PCSK2: variants seen among roughly 807,000 people sequenced by gnomAD.
PCSK2 encodes proprotein convertase subtilisin/kexin type 2.
A neutral mutation model predicts 69.7 loss-of-function variants in PCSK2; 14 were observed. That is an observed-to-expected ratio of 0.20 (90% CI 0.13 to 0.31). The LOEUF is 0.31. Among genes scored for constraint, PCSK2 ranks in the 10% least tolerant of loss-of-function variants. The pLI is 1.00. For synonymous variants in PCSK2, 307 were observed against 320.7 expected (o/e 0.96, Z 0.46); for missense variants, 544 against 842.5 (o/e 0.65, Z 4.39).
chr20:17,269,609 T>C (rs1350638107), intron 2 of PCSK2, among the ~76,000 whole-genome samples: 1 of 152,132 alleles, frequency 6.6e-6, no homozygotes, highest in African/African-American at 2.4e-5. Flanking sequence ...TACTGATGTG[T>C]TTGGGCTGGG....
At chr20:17,442,070 G>A (rs1263242577) in intron 8 of PCSK2, among the ~76,000 whole-genome samples, 3 of 150,974 alleles carry the variant, frequency 2.0e-5, no homozygotes, top group Non-Finnish European at 3.0e-5. Flanking sequence ...CATACAGGGA[G>A]AACAGCATGT....
intron 5 of PCSK2, among the ~76,000 whole-genome samples, chr20:17,402,975 A>G (rs1159821227): frequency 6.6e-6 from 1 of 152,178 alleles, no homozygotes; most frequent in East Asian, 1.9e-4. Flanking sequence ...AAAGAAAAGA[A>G]AAGAAGAAAA....
At chr20:17,445,150 T>C (rs768782959) in intron 8 of PCSK2, among the ~76,000 whole-genome samples, 1 of 152,190 alleles carries the variant, frequency 6.6e-6, no homozygotes, top group Non-Finnish European at 1.5e-5. Context: ...GAAAAGGATG[T>C]AGCCCTTGCA....
chr20:17,229,108 G>A (rs1434267473), intron 1 of PCSK2, among the ~76,000 whole-genome samples: 1 of 151,876 alleles, frequency 6.6e-6, no homozygotes, highest in Non-Finnish European at 1.5e-5. Flanking sequence ...TTAGTTATAC[G>A]GAAGCTTACG....
At chr20:17,394,680 C>G (rs774323450) in intron 5 of PCSK2, among the ~76,000 whole-genome samples, 1 of 152,152 alleles carries the variant, frequency 6.6e-6, no homozygotes, top group Non-Finnish European at 1.5e-5. Context: ...TCCCAAGAAA[C>G]CAGTGTCCCA....
At chr20:17,344,080 T>C (rs967328569) in intron 2 of PCSK2, among the ~76,000 whole-genome samples, 1 of 152,262 alleles carries the variant, frequency 6.6e-6, no homozygotes, top group Non-Finnish European at 1.5e-5. Flanking sequence ...TTGTTCTGTA[T>C]CTTCCAGGAG....
chr20:17,424,479 C>T (rs2032201626), intron 6 of PCSK2, among the ~76,000 whole-genome samples: 1 of 152,064 alleles, frequency 6.6e-6, no homozygotes, highest in African/African-American at 2.4e-5. Flanking sequence ...TATGTTGTTT[C>T]TTGGCGCGGA....
intron 1 of PCSK2, among the ~76,000 whole-genome samples, chr20:17,233,582 A>C (rs1240836424): frequency 4.6e-5 from 7 of 152,182 alleles, no homozygotes; most frequent in Non-Finnish European, 8.8e-5. Context: ...TCCTCAGGAA[A>C]TCTGACTGGC....
intron 2 of PCSK2, among the ~76,000 whole-genome samples, chr20:17,288,292 G>C (rs1600452747): frequency 6.6e-6 from 1 of 152,166 alleles, no homozygotes; most frequent in African/African-American, 2.4e-5. Flanking sequence ...AGAAATCCAG[G>C]ACAGCATTTC....
At chr20:17,270,824 T>C (rs1483310905) in intron 2 of PCSK2, among the ~76,000 whole-genome samples, 1 of 151,882 alleles carries the variant, frequency 6.6e-6, no homozygotes, top group Non-Finnish European at 1.5e-5. Flanking sequence ...CATGATAGAG[T>C]CCAATTTGAG....
intron 2 of PCSK2, among the ~76,000 whole-genome samples, chr20:17,287,431 C>CTGTCTGTGTGTGTGTG (rs373403452): frequency 2.7e-5 from 4 of 145,928 alleles, no homozygotes; most frequent in African/African-American, 1.0e-4. Context: ...ATGTGCGTGT[C>CTGTCTGTGTGTGTGTG]TGTGTGTGTG....
At chr20:17,399,257 A>G (rs2031583734) in intron 5 of PCSK2, among the ~76,000 whole-genome samples, 1 of 152,230 alleles carries the variant, frequency 6.6e-6, no homozygotes, top group Admixed American at 6.5e-5. Context: ...CTTTGTTAAT[A>G]ACTGGAGGAG....
chr20:17,450,307 C>G (rs1367702318), intron 8 of PCSK2, among the ~76,000 whole-genome samples: 1 of 152,096 alleles, frequency 6.6e-6, no homozygotes, highest in African/African-American at 2.4e-5. Context: ...GGATTACAGG[C>G]ATGAGACACC....
intron 6 of PCSK2, among the ~76,000 whole-genome samples, chr20:17,418,989 C>T (rs2032063759): frequency 6.6e-6 from 1 of 152,232 alleles, no homozygotes; most frequent in African/African-American, 2.4e-5. Context: ...GCACGAGATT[C>T]TCACTGCTGT....
chr20:17,470,176 G>T (rs1204206449), intron 11 of PCSK2, among the ~76,000 whole-genome samples: 3 of 152,220 alleles, frequency 2.0e-5, no homozygotes. Flanking sequence ...AATTTCTTGA[G>T]AAATTTGGAA....
chr20:17,262,671 C>T (rs1429579045), intron 2 of PCSK2, among the ~76,000 whole-genome samples: 10 of 152,104 alleles, frequency 6.6e-5, no homozygotes, highest in Admixed American at 6.5e-4. Context: ...GGGTTTATAG[C>T]TGTTAAACAA....
At chr20:17,448,189 C>T (rs941676050) in intron 8 of PCSK2, among the ~76,000 whole-genome samples, 20 of 152,144 alleles carry the variant, frequency 1.3e-4, no homozygotes, top group African/African-American at 4.8e-4. Flanking sequence ...CTTGCCTCAC[C>T]AGGGGTCTGC....
chr20:17,289,140 A>G lies in PCSK2; in HGVS notation c.282+28796A>G, dbSNP rs753912633. 2.6e-4 allele frequency among the ~76,000 whole-genome samples: 39 copies of G among 152,330 alleles called. No individual in the cohort carries two copies. The Middle Eastern group carries it at 0.01, about 40-fold the overall frequency. ...GTGATCAAATATCTTATCATTTTGG[A>G]TATAAATCAATGCAGTGATATTACC... On this transcript the variant is annotated intron_variant, in intron 2 of 11. Coordinates refer to ENST00000262545, the MANE Select transcript of PCSK2 (RefSeq NM_002594.5).
chr20:17,283,458 C>G (rs1332791363), intron 2 of PCSK2, among the ~76,000 whole-genome samples: 3 of 152,164 alleles, frequency 2.0e-5, no homozygotes, highest in Non-Finnish European at 4.4e-5. Flanking sequence ...AGGTTACACA[C>G]AGAAACAGCC....
Sources: allele counts gnomAD v4.1 joint callset (sites outside exome capture counted in the v4.1 genomes callset), GRCh38; gene constraint gnomAD v4.1.1; transcripts MANE v1.5; gene names NCBI Gene and HGNC (gene_info 2026-07-23, HGNC 2026-07-21).